Variants in FHIT observed in about 807,000 individuals in gnomAD.
FHIT encodes fragile histidine triad diadenosine triphosphatase.
In FHIT, 19 loss-of-function variants were observed where a neutral mutation model predicts 17.9. That is an observed-to-expected ratio of 1.06 (90% CI 0.74 to 1.56). FHIT has a LOEUF of 1.56. FHIT is among the 40% of genes most tolerant of loss of function. FHIT has a pLI of 0.00. For missense variants in FHIT, 248 were observed against 189.2 expected (o/e 1.31, Z -1.82); for synonymous variants, 81 against 69.7 (o/e 1.16, Z -0.81).
At chr3:61,016,607 G>C (rs2032120491) in intron 3 of FHIT, among the ~76,000 whole-genome samples, 1 of 152,218 alleles carries the variant, frequency 6.6e-6, no homozygotes, top group African/African-American at 2.4e-5. Context: ...CTTTGTGTTT[G>C]TTCAACATTT....
At chr3:61,050,068 C>T (rs1032656759) in intron 2 of FHIT, among the ~76,000 whole-genome samples, 9 of 152,088 alleles carry the variant, frequency 5.9e-5, no homozygotes, top group African/African-American at 9.7e-5. Context: ...AAAAAGTACA[C>T]GGTTTAACCA....
At chr3:60,337,244 AT>A (rs911283738) in intron 5 of FHIT, among the ~76,000 whole-genome samples, 17 of 149,960 alleles carry the variant, frequency 1.1e-4, no homozygotes, top group South Asian at 2.1e-4. Flanking sequence ...TGCCTTCTCT[AT>A]TTTTTTTTTC....
intron 4 of FHIT, among the ~76,000 whole-genome samples, chr3:60,753,934 A>G (rs2042519649): frequency 1.3e-5 from 2 of 148,882 alleles, no homozygotes; most frequent in South Asian, 2.1e-4. Flanking sequence ...GATTACAAGG[A>G]AAAAAAAAAG....
chr3:59,852,528 T>C (rs975604990), intron 8 of FHIT, among the ~76,000 whole-genome samples: 1 of 152,186 alleles, frequency 6.6e-6, no homozygotes, highest in African/African-American at 2.4e-5. Flanking sequence ...CAAGGACATA[T>C]CACCCAAAGT....
chr3:60,471,525 C>A (rs1390314388), intron 5 of FHIT, among the ~76,000 whole-genome samples: 2 of 152,128 alleles, frequency 1.3e-5, no homozygotes, highest in South Asian at 2.1e-4. Context: ...ACAATCACTG[C>A]ACTCTCCTTC....
At chr3:59,750,984 G>A (rs1022813936) in intron 9 of FHIT, 6 of 184,640 alleles carry the variant, frequency 3.2e-5, no homozygotes, top group African/African-American at 1.4e-4. Context: ...TTATTCACAG[G>A]TCAGATGAAG....
intron 5 of FHIT, among the ~76,000 whole-genome samples, chr3:60,088,441 T>G (rs1165471325): frequency 6.6e-6 from 1 of 152,174 alleles, no homozygotes; most frequent in East Asian, 1.9e-4. Flanking sequence ...CTTACTTCTT[T>G]CCAAGAAACC....
intron 3 of FHIT, among the ~76,000 whole-genome samples, chr3:60,842,623 ATGAGTG>A (rs370153280): frequency 0.046 from 4,518 of 98,394 alleles, 223 homozygotes; most frequent in Non-Finnish European, 0.053. Context: ...ACATATATAT[ATGAGTG>A]TATATATATA....
chr3:59,751,872 A>C, intron 9 of FHIT: 1 of 233,906 alleles, frequency 4.3e-6, no homozygotes, highest in East Asian at 6.4e-5. Flanking sequence ...CTTTAAGTTA[A>C]GTTGGGGTTG....
intron 7 of FHIT, among the ~76,000 whole-genome samples, chr3:59,970,570 G>A (rs922608024): frequency 2.0e-5 from 3 of 152,060 alleles, no homozygotes; most frequent in Admixed American, 1.3e-4. Context: ...GCAAGCGGAG[G>A]GAACAGCCTT....
chr3:61,160,973 A>T (rs1432974339), intron 2 of FHIT, among the ~76,000 whole-genome samples: 2 of 152,194 alleles, frequency 1.3e-5, no homozygotes, highest in Non-Finnish European at 2.9e-5. Context: ...AGAGTGTAAT[A>T]GAAATATCTG....
intron 4 of FHIT, among the ~76,000 whole-genome samples, chr3:60,714,274 G>T (rs1444812080): frequency 6.6e-6 from 1 of 152,004 alleles, no homozygotes; most frequent in Non-Finnish European, 1.5e-5. Context: ...GGTATTGATG[G>T]GACATATCTC....
chr3:60,293,849 T>C (rs1183310575), intron 5 of FHIT, among the ~76,000 whole-genome samples: 1 of 152,132 alleles, frequency 6.6e-6, no homozygotes, highest in African/African-American at 2.4e-5. Context: ...ATGAATTAAG[T>C]CCTATTTTGA....
intron 1 of FHIT, among the ~76,000 whole-genome samples, chr3:61,241,459 A>G (rs1406535511): frequency 6.6e-6 from 1 of 152,220 alleles, no homozygotes; most frequent in African/African-American, 2.4e-5. Context: ...TGTGGGAAGA[A>G]GACTTCTCAG....
At chr3:61,101,565 C>A (rs540473850) in intron 2 of FHIT, among the ~76,000 whole-genome samples, 5 of 150,820 alleles carry the variant, frequency 3.3e-5, no homozygotes, top group Non-Finnish European at 7.4e-5. Context: ...TCCATATGAA[C>A]TTTAGTTTTT....
At chr3:60,318,353 G>A (rs1454112681) in intron 5 of FHIT, among the ~76,000 whole-genome samples, 1 of 152,090 alleles carries the variant, frequency 6.6e-6, no homozygotes, top group Non-Finnish European at 1.5e-5. Context: ...AAACAACACT[G>A]AATCAAGAGT....
intron 4 of FHIT, among the ~76,000 whole-genome samples, chr3:60,568,707 T>C (rs9835422): frequency 0.27 from 40,354 of 152,012 alleles, 5,660 homozygotes; most frequent in Admixed American, 0.36. Context: ...AACCTACCAC[T>C]GGAACTCAAC....
intron 8 of FHIT, among the ~76,000 whole-genome samples, chr3:59,795,805 A>G (rs1222313427): frequency 6.6e-6 from 1 of 152,244 alleles, no homozygotes; most frequent in Non-Finnish European, 1.5e-5. Flanking sequence ...TGTGCAGCAC[A>G]GAGCTCCATC....
chr3:60,137,842 A>G (rs971204906), intron 5 of FHIT, among the ~76,000 whole-genome samples: 1 of 151,760 alleles, frequency 6.6e-6, no homozygotes, highest in Non-Finnish European at 1.5e-5. Flanking sequence ...GTAAATGAAT[A>G]TTTAAGCAAC....
Sources: gnomAD v4.1 joint callset for allele counts (sites outside exome capture counted in the v4.1 genomes callset) on GRCh38, gnomAD v4.1.1 for gene constraint, MANE v1.5 for transcripts, NCBI Gene and HGNC (gene_info 2026-07-23, HGNC 2026-07-21) for gene names.